KITLG: variants seen among roughly 807,000 people sequenced by gnomAD.
KITLG encodes KIT ligand.
A neutral mutation model predicts 34.1 loss-of-function variants in KITLG; 13 were observed. The ratio of observed to expected loss-of-function variants is 0.38; its 90% CI spans 0.25 to 0.61. The LOEUF (loss-of-function observed/expected upper bound fraction) is 0.61. Among genes scored for constraint, KITLG ranks in the 20% least tolerant of loss-of-function variants. The pLI is 0.60. For synonymous variants in KITLG, 110 were observed against 104.0 expected (o/e 1.06, Z -0.35); for missense variants, 292 against 318.9 (o/e 0.92, Z 0.64).
chr12:88,567,464 T>C (rs999553565), intron 1 of KITLG, among the ~76,000 whole-genome samples: 6 of 152,222 alleles, frequency 3.9e-5, no homozygotes, highest in Non-Finnish European at 8.8e-5. Flanking sequence ...GGAATGCTTG[T>C]TTACCTGAAG....
At chr12:88,498,787 C>G (rs546335265) in intron 9 of KITLG, among the ~76,000 whole-genome samples, 9 of 152,112 alleles carry the variant, frequency 5.9e-5, no homozygotes, top group African/African-American at 1.9e-4. Context: ...GGCACAAAAC[C>G]CCCTTCAACC....
At position 88,494,598 on chromosome 12, in the gene KITLG, T is replaced by C. The variant is rs1168622802; in HGVS notation, c.*2621A>G. 2 of 152,428 alleles carry C rather than the reference T, an allele frequency of 1.3e-5. No individual in the cohort carries two copies. The highest frequency in any genetic ancestry group is 2.4e-5 in the African/African-American group (1 of 41,430). 9.4% of individuals were successfully genotyped at this position (152,428 alleles called of 1,614,324 possible). On this transcript the variant is annotated 3_prime_UTR_variant, in exon 10 of 10. Transcript: ENST00000644744. ...GTGTGGTAAGCACATTAAATTACAATACAATATCCAGGAACACTTCATTAT... is the reference window on the plus strand; with the variant it reads ...GTGTGGTAAGCACATTAAATTACAACACAATATCCAGGAACACTTCATTAT...
chr12:88,546,597 T>C (rs559011583), intron 1 of KITLG, among the ~76,000 whole-genome samples: 1 of 152,296 alleles, frequency 6.6e-6, no homozygotes, highest in African/African-American at 2.4e-5. Context: ...CTTATTACAC[T>C]GTAGAGTTTC....
intron 6 of KITLG, among the ~76,000 whole-genome samples, chr12:88,511,325 T>C (rs1566019871): frequency 6.6e-6 from 1 of 152,166 alleles, no homozygotes; most frequent in Non-Finnish European, 1.5e-5. Flanking sequence ...GCAGTACAAA[T>C]GTGTAATTCA....
intron 2 of KITLG, among the ~76,000 whole-genome samples, chr12:88,537,288 C>G (rs1425896826): frequency 6.6e-6 from 1 of 151,826 alleles, no homozygotes; most frequent in Non-Finnish European, 1.5e-5. Flanking sequence ...GAATACTATG[C>G]AGCCACAAAA....
intron 2 of KITLG, among the ~76,000 whole-genome samples, chr12:88,539,780 C>A (rs1410642577): frequency 6.6e-6 from 1 of 151,878 alleles, no homozygotes; most frequent in South Asian, 2.1e-4. Flanking sequence ...AAAAATTAGT[C>A]AGGTATGGTG....
intron 1 of KITLG, among the ~76,000 whole-genome samples, chr12:88,553,133 ACT>A (rs1040156586): frequency 1.3e-5 from 2 of 152,198 alleles, no homozygotes; most frequent in Admixed American, 1.3e-4. Context: ...ATATTTTGAC[ACT>A]GACTTTGAGT....
At chr12:88,558,587 G>A (rs1210953222) in intron 1 of KITLG, among the ~76,000 whole-genome samples, 1 of 152,196 alleles carries the variant, frequency 6.6e-6, no homozygotes, top group African/African-American at 2.4e-5. Context: ...CTGTTAAAAT[G>A]TTCCTTCTTT....
intron 1 of KITLG, among the ~76,000 whole-genome samples, chr12:88,546,905 T>C (rs1304048753): frequency 1.3e-5 from 2 of 152,074 alleles, no homozygotes; most frequent in Non-Finnish European, 2.9e-5. Context: ...AAGCAATTAA[T>C]CAATTAACCT....
At chr12:88,528,918 C>T (rs1044754390) in intron 3 of KITLG, among the ~76,000 whole-genome samples, 4 of 152,014 alleles carry the variant, frequency 2.6e-5, no homozygotes, top group Non-Finnish European at 2.9e-5. Context: ...AATTGAAAAA[C>T]GAATAAGATC....
chr12:88,500,457 G>T (rs1868811282), intron 9 of KITLG, among the ~76,000 whole-genome samples: 1 of 152,138 alleles, frequency 6.6e-6, no homozygotes. Flanking sequence ...ATTTCCTTTT[G>T]TAGGCTATAA....
At chr12:88,552,461 A>T (rs572758622) in intron 1 of KITLG, among the ~76,000 whole-genome samples, 1 of 151,970 alleles carries the variant, frequency 6.6e-6, no homozygotes, top group African/African-American at 2.4e-5. Flanking sequence ...AAATGCTGAG[A>T]TTACAGGTAT....
chr12:88,497,452 G>A (rs562007278), intron 9 of KITLG, among the ~76,000 whole-genome samples: 1 of 152,010 alleles, frequency 6.6e-6, no homozygotes. Flanking sequence ...CTCCATGAGG[G>A]CAGGGAGCTT....
chr12:88,576,919 A>G (rs1338465384), intron 1 of KITLG, among the ~76,000 whole-genome samples: 1 of 152,118 alleles, frequency 6.6e-6, no homozygotes, highest in Non-Finnish European at 1.5e-5. Context: ...AGAATTTGCT[A>G]TCTTCAAATC....
intron 9 of KITLG, among the ~76,000 whole-genome samples, chr12:88,501,853 T>C (rs1868871650): frequency 6.6e-6 from 1 of 152,160 alleles, no homozygotes; most frequent in African/African-American, 2.4e-5. Flanking sequence ...CAACAAATAG[T>C]TATTCATCAT....
intron 9 of KITLG, among the ~76,000 whole-genome samples, chr12:88,498,235 T>C (rs949093800): frequency 3.9e-5 from 6 of 152,188 alleles, no homozygotes; most frequent in Non-Finnish European, 8.8e-5. Context: ...GCATCACAGA[T>C]CACTGTTTTT....
chr12:88,552,110 T>C (rs146901344), intron 1 of KITLG, among the ~76,000 whole-genome samples: 3 of 151,950 alleles, frequency 2.0e-5, no homozygotes, highest in Non-Finnish European at 2.9e-5. Context: ...GAAAGCAACA[T>C]AGTCCAACTG....
intron 1 of KITLG, among the ~76,000 whole-genome samples, chr12:88,569,187 G>A (rs1477867471): frequency 1.3e-5 from 2 of 152,128 alleles, no homozygotes; most frequent in African/African-American, 4.8e-5. Flanking sequence ...CTCTGAATCC[G>A]AATCTGTTTC....
chr12:88,543,621 T>G (rs999929004), intron 2 of KITLG, among the ~76,000 whole-genome samples: 4 of 152,214 alleles, frequency 2.6e-5, no homozygotes, highest in Admixed American at 2.6e-4. Flanking sequence ...GTAAAGCACA[T>G]CATTTCCTCT....
Sources: gnomAD v4.1 joint callset for allele counts (sites outside exome capture counted in the v4.1 genomes callset) on GRCh38, gnomAD v4.1.1 for gene constraint, MANE v1.5 for transcripts, NCBI Gene and HGNC (gene_info 2026-07-23, HGNC 2026-07-21) for gene names.